SPSB1: variants seen among roughly 807,000 people sequenced by gnomAD.
SPSB1 encodes splA/ryanodine receptor domain and SOCS box containing 1.
In SPSB1, 8 loss-of-function variants were observed where a neutral mutation model predicts 21.2. The ratio of observed to expected loss-of-function variants is 0.38; its 90% CI spans 0.22 to 0.68. The LOEUF (loss-of-function observed/expected upper bound fraction) is 0.68, where lower values mean the gene tolerates loss of function less well. Among genes scored for constraint, SPSB1 ranks in the 30% least tolerant of loss-of-function variants. SPSB1 has a pLI of 0.53. For synonymous variants in SPSB1, 169 were observed against 161.7 expected (o/e 1.05, Z -0.34); for missense variants, 242 against 377.8 (o/e 0.64, Z 2.98).
In SPSB1 at chr1:9,324,585, G is replaced by A. The variant is rs1639781772; in HGVS notation, c.-149-31158G>A. Among the ~76,000 whole-genome samples, 1 of 152,178 alleles carries A rather than the reference G, an allele frequency of 6.6e-6. No homozygotes were observed. ...GGAGTCAAGACAAAAGCCTGGTTGT[G>A]CCCTGGGAGAAAACCCAAACCTGGG... is the stretch of plus-strand genomic sequence containing the variant. On this transcript the variant is annotated intron_variant, in intron 1 of 2. Coordinates refer to ENST00000328089, the MANE Select transcript of SPSB1 (RefSeq NM_025106.4). This position sits in a 1 kb window ranked among gnomAD's most constrained non-coding sequence, Gnocchi z 4.3.
At chr1:9,309,096 G>C (rs1639470552) in intron 1 of SPSB1, among the ~76,000 whole-genome samples, 1 of 151,972 alleles carries the variant, frequency 6.6e-6, no homozygotes, top group Non-Finnish European at 1.5e-5. Context: ...GGAGGACCGG[G>C]AGAAGGCTGC....
At chr1:9,344,604 T>C (rs1475676013) in intron 1 of SPSB1, among the ~76,000 whole-genome samples, 1 of 152,148 alleles carries the variant, frequency 6.6e-6, no homozygotes, top group African/African-American at 2.4e-5. Context: ...GCAGCATGTA[T>C]GAAGCTCTTA....
chr1:9,311,162 T>G (rs1329288850), intron 1 of SPSB1, among the ~76,000 whole-genome samples: 698 of 23,302 alleles, frequency 0.03, 7 homozygotes, highest in African/African-American at 0.26. Flanking sequence ...GATAAAGGGT[T>G]TTTTTTTTTT....
chr1:9,359,704 G>GGA (rs1465951485), intron 2 of SPSB1, among the ~76,000 whole-genome samples: 1 of 71,200 alleles, frequency 1.4e-5, no homozygotes, highest in African/African-American at 4.4e-5. Flanking sequence ...TCCGTCTCTG[G>GGA]GAAAAAAAAA....
At chr1:9,342,512 A>G (rs921724165) in intron 1 of SPSB1, among the ~76,000 whole-genome samples, 9 of 152,192 alleles carry the variant, frequency 5.9e-5, no homozygotes, top group Non-Finnish European at 1.2e-4. Context: ...GAGCTGCCTC[A>G]GGGTGTTGAC....
chr1:9,307,682 C>T (rs2100467049), intron 1 of SPSB1, among the ~76,000 whole-genome samples: 1 of 152,282 alleles, frequency 6.6e-6, no homozygotes, highest in East Asian at 1.9e-4. Flanking sequence ...GTCTTTCTGT[C>T]CATATCCCTC....
At chr1:9,359,418 C>G (rs1640429368) in intron 2 of SPSB1, among the ~76,000 whole-genome samples, 1 of 152,298 alleles carries the variant, frequency 6.6e-6, no homozygotes, top group African/African-American at 2.4e-5. Flanking sequence ...GAGTGTCGTT[C>G]TGCGGCTGGG....
intron 1 of SPSB1, among the ~76,000 whole-genome samples, chr1:9,304,039 C>G (rs1336981769): frequency 6.6e-6 from 1 of 152,172 alleles, no homozygotes; most frequent in Non-Finnish European, 1.5e-5. Flanking sequence ...AGGATCTGCC[C>G]TCCATGGGGT....
intron 2 of SPSB1, among the ~76,000 whole-genome samples, chr1:9,359,847 C>CAGG (rs71580084): frequency 1.9e-5 from 2 of 105,786 alleles, no homozygotes; most frequent in African/African-American, 4.0e-5. Context: ...GGATGGAAGC[C>CAGG]GGGGGGGTGG....
rs1009122660 is a variant in SPSB1, at chr1:9,293,732, G to T, written c.-150+661G>T. 2.6e-5 allele frequency among the ~76,000 whole-genome samples: 4 copies of T among 152,194 alleles called. No homozygotes were observed. The highest frequency in any genetic ancestry group is 9.6e-5 in the African/African-American group (4 of 41,458). On this transcript the variant is annotated intron_variant, in intron 1 of 2. Coordinates refer to ENST00000328089, the MANE Select transcript of SPSB1 (RefSeq NM_025106.4). The surrounding 1 kb of genome is among the most constrained non-coding windows in gnomAD (Gnocchi z 5.1). ...GGCCTGGGCCCGCGGGAGGAACCGC[G>T]GATGGGTCACCGTCCCCGGGCGTGT...
chr1:9,352,255 A>G (rs1294027), intron 1 of SPSB1, among the ~76,000 whole-genome samples: 127,038 of 152,240 alleles, frequency 0.83, 53,605 homozygotes, highest in African/African-American at 0.95. Flanking sequence ...TCCCACGTCA[A>G]GGTGAAGCCG....
chr1:9,347,183 C>A (rs1640178158), intron 1 of SPSB1, among the ~76,000 whole-genome samples: 1 of 152,300 alleles, frequency 6.6e-6, no homozygotes, highest in South Asian at 2.1e-4. Flanking sequence ...TTTAAACGCC[C>A]TTCTACCAGT....
rs185575895 is a variant in SPSB1, at chr1:9,297,196, G to A, written c.-150+4125G>A. On this transcript the variant is annotated intron_variant, in intron 1 of 2. Transcript: ENST00000328089. ...AGCCTGACCCTCTTGAGTTTACTGC[G>A]TAGGCGATGGGTGGAGGAATCCAAG... Among the ~76,000 whole-genome samples the A allele has an allele frequency of 6.7e-3, 1,017 of 152,314 alleles. 7 individuals are homozygous for A. The highest frequency in any genetic ancestry group is 8.2e-3 in the Non-Finnish European group (557 of 68,026).
intron 1 of SPSB1, among the ~76,000 whole-genome samples, chr1:9,299,758 C>T (rs1312212360): frequency 6.6e-6 from 1 of 151,946 alleles, no homozygotes; most frequent in Non-Finnish European, 1.5e-5. Context: ...GGATTACAGG[C>T]ATGAGCCACT....
intron 2 of SPSB1, among the ~76,000 whole-genome samples, chr1:9,360,137 A>T (rs760597307): frequency 1.3e-5 from 2 of 151,996 alleles, no homozygotes; most frequent in African/African-American, 2.4e-5. Context: ...ACCCTGGGTG[A>T]GGTCACCAGA....
chr1:9,313,447 G>A (rs530357112), intron 1 of SPSB1, among the ~76,000 whole-genome samples: 11 of 152,240 alleles, frequency 7.2e-5, no homozygotes, highest in Non-Finnish European at 7.3e-5. Flanking sequence ...AACTTGCCCA[G>A]GGCTGCACAG....
chr1:9,334,501 G>A (rs916181327), intron 1 of SPSB1, among the ~76,000 whole-genome samples: 9 of 151,866 alleles, frequency 5.9e-5, no homozygotes, highest in East Asian at 3.9e-4. Flanking sequence ...AATTACAGGC[G>A]TGAGCCACCG....
chr1:9,347,644 G>A (rs1569637667), intron 1 of SPSB1, among the ~76,000 whole-genome samples: 1 of 152,332 alleles, frequency 6.6e-6, no homozygotes, highest in South Asian at 2.1e-4. Flanking sequence ...TACATTTTCT[G>A]TTACGTCACC....
chr1:9,337,461 C>T (rs1412661424), intron 1 of SPSB1, among the ~76,000 whole-genome samples: 1 of 152,024 alleles, frequency 6.6e-6, no homozygotes, highest in East Asian at 1.9e-4. Flanking sequence ...AACTTTAAGG[C>T]CTCCATGGTT....
Sources: allele counts gnomAD v4.1 joint callset (sites outside exome capture counted in the v4.1 genomes callset), GRCh38; gene constraint gnomAD v4.1.1; non-coding constraint Gnocchi (gnomAD v3.1); transcripts MANE v1.5; gene names NCBI Gene and HGNC (gene_info 2026-07-23, HGNC 2026-07-21).